Variants in ANGEL1 observed in about 807,000 individuals in gnomAD.
ANGEL1 encodes the protein RNA 2',3'-cyclic phosphatase ANGEL1.
ANGEL1 carries 62 observed loss-of-function variants against 76.4 expected under a neutral mutation model. The ratio of observed to expected loss-of-function variants is 0.81; its 90% CI spans 0.66 to 1.00. The LOEUF (loss-of-function observed/expected upper bound fraction) is 1.00, where lower values mean the gene tolerates loss of function less well. Among genes scored for constraint, ANGEL1 ranks in the 50% least tolerant of loss-of-function variants. The pLI, the probability that ANGEL1 is intolerant of heterozygous loss-of-function variation, is 0.00. For missense variants in ANGEL1, 737 were observed against 836.7 expected, an observed-to-expected ratio of 0.88 and a Z score of 1.47; for synonymous variants, 340 against 331.7, an observed-to-expected ratio of 1.03 and a Z score of -0.27.
rs752587890 is a variant in ANGEL1, at chr14:76,806,367, T to A, written c.1380+49A>T. Reference sequence around the variant, plus strand: ...AGAAGCACTGATGCTAACGCCTGAATCTCTCTTAGACCATGTTCCCACCCA... The same window carrying A: ...AGAAGCACTGATGCTAACGCCTGAAACTCTCTTAGACCATGTTCCCACCCA... On this transcript the variant is annotated intron_variant, in intron 5 of 9. Transcript: ENST00000251089. 1.9e-6 allele frequency: 3 copies of A among 1,554,712 alleles called. No homozygotes were observed. The Admixed American group carries it at 5.5e-5, about 28-fold the overall frequency.
intron 7 of ANGEL1, among the ~76,000 whole-genome samples, chr14:76,793,262 T>C (rs2140209849): frequency 6.7e-6 from 1 of 149,046 alleles, no homozygotes; most frequent in East Asian, 2.0e-4. Flanking sequence ...CATAAGACAA[T>C]ATTGTTAAAA....
At chr14:76,808,954 G>T in intron 2 of ANGEL1, 105 bp downstream of exon 2, 1 of 1,040,448 alleles carries the variant, frequency 9.6e-7, no homozygotes, top group Non-Finnish European at 1.4e-6. Context: ...AAAATAGAAT[G>T]CAGTGGCAGA....
chr14:76,788,956 T>G lies in ANGEL1; in HGVS notation c.*272A>C. The G allele has an allele frequency of 1.0e-5, 4 of 398,418 alleles. No individual in the cohort carries two copies. Among genetic ancestry groups the G allele is most frequent in the Admixed American group, 4.0e-5 (1 of 25,080 alleles). 24.7% of individuals were successfully genotyped at this position (398,418 alleles called of 1,614,324 possible). ...AAATCAAGGGGGAGCGCTGGATACA[T>G]GGAAGGAAGGGGGAGCCCCCCTTCT... On this transcript the variant is annotated 3_prime_UTR_variant, in exon 10 of 10. Coordinates refer to ENST00000251089, the MANE Select transcript of ANGEL1 (RefSeq NM_015305.4).
In ANGEL1 at chr14:76,791,335, A is replaced by G. The variant is rs747513089; in HGVS notation, c.1650T>C (p.Leu550=). 1.9e-6 allele frequency: 3 copies of G among 1,614,120 alleles called. No homozygotes were observed. In the South Asian group the frequency reaches 3.3e-5, roughly 18 times the overall value. The change falls in exon 8 of 10, where the codon CTT becomes CTC. Residue 550 remains leucine (L), a synonymous_variant. Coordinates refer to ENST00000251089, the MANE Select transcript of ANGEL1 (RefSeq NM_015305.4). ...GCTCAAGCTCCGATGCATCTTCCTC[A>G]AGGACAGACTCAGCCCAACCCGCAG... ...ERPAGWAESV[L]EEDASELEPA...
intron 9 of ANGEL1, among the ~76,000 whole-genome samples, chr14:76,790,082 T>G (rs1371256069): frequency 6.6e-6 from 1 of 152,138 alleles, no homozygotes; most frequent in African/African-American, 2.4e-5. Flanking sequence ...CAGGCTGGTC[T>G]CACTCCTAAC....
chr14:76,805,004 T>C (rs990043941), intron 5 of ANGEL1, among the ~76,000 whole-genome samples: 3 of 148,188 alleles, frequency 2.0e-5, no homozygotes, highest in Non-Finnish European at 3.0e-5. Context: ...AGCGAGACTC[T>C]GTCTCAAAAA....
intron 7 of ANGEL1, among the ~76,000 whole-genome samples, chr14:76,796,619 G>A (rs1894586539): frequency 6.6e-6 from 1 of 151,960 alleles, no homozygotes; most frequent in South Asian, 2.1e-4. Context: ...CAATTCCTAA[G>A]AATTTCCTAT....
chr14:76,811,825 A>G (rs897507766), intron 1 of ANGEL1, among the ~76,000 whole-genome samples: 1 of 152,240 alleles, frequency 6.6e-6, no homozygotes, highest in African/African-American at 2.4e-5. Context: ...TTTGCATTCT[A>G]ATGGCAGATA....
chr14:76,806,577 T>C lies in ANGEL1; in HGVS notation c.1219A>G (p.Met407Val), dbSNP rs1894923769. The C allele has an allele frequency of 2.5e-6, 4 of 1,614,188 alleles. No individual in the cohort carries two copies. The East Asian group carries it at 6.7e-5, about 27-fold the overall frequency. ...TCCACTTCCGCCAGGAGAATGGCCATCTGGGCCAGCTTGACATCGCCCCGG... is the reference window on the plus strand; with the variant it reads ...TCCACTTCCGCCAGGAGAATGGCCACCTGGGCCAGCTTGACATCGCCCCGG... The part of the protein sequence containing the change: ...PRRGDVKLAQ[M>V]AILLAEVDKV... The change falls in exon 5 of 10, where the codon ATG (methionine) becomes GTG (valine). Residue 407 changes from methionine to valine, a missense_variant. Around this residue, in one of 2 missense-constraint regions of ANGEL1, gnomAD observed 296 missense variants for 387.2 expected, o/e 0.76. Coordinates refer to ENST00000251089, the MANE Select transcript of ANGEL1 (RefSeq NM_015305.4).
intron 4 of ANGEL1, 74 bp downstream of exon 4, chr14:76,807,359 G>A (rs1894948379): frequency 3.5e-6 from 5 of 1,432,324 alleles, no homozygotes; most frequent in Middle Eastern, 1.7e-4. Context: ...AAAAGGAAAG[G>A]ATGGGGTCTT....
intron 4 of ANGEL1, 87 bp from the exon 5 acceptor site, chr14:76,806,936 C>A (rs569008189): frequency 9.4e-6 from 13 of 1,382,578 alleles, no homozygotes; most frequent in African/African-American, 2.9e-5. Flanking sequence ...CCAGTGTATG[C>A]CCCTGAGGCA....
At chr14:76,794,392 C>T (rs1258525970) in intron 7 of ANGEL1, among the ~76,000 whole-genome samples, 1 of 152,102 alleles carries the variant, frequency 6.6e-6, no homozygotes, top group East Asian at 1.9e-4. Context: ...CCCCTTTAGG[C>T]CAGGCGCAGT....
At chr14:76,803,710 C>T in intron 6 of ANGEL1, 76 bp downstream of exon 6, 1 of 1,530,548 alleles carries the variant, frequency 6.5e-7, no homozygotes, top group Admixed American at 2.1e-5. Context: ...TACACTTTTT[C>T]TTGTCGTTGA....
At chr14:76,805,003 C>CT (rs1228521908) in intron 5 of ANGEL1, among the ~76,000 whole-genome samples, 1 of 148,404 alleles carries the variant, frequency 6.7e-6, no homozygotes, top group Non-Finnish European at 1.5e-5. Context: ...GAGCGAGACT[C>CT]TGTCTCAAAA....
In ANGEL1 at chr14:76,809,112, G is replaced by A. The variant is rs143581712; in HGVS notation, c.596C>T (p.Pro199Leu). 12 of 1,614,010 alleles carry A rather than the reference G, an allele frequency of 7.4e-6. No homozygotes were observed. Among genetic ancestry groups the A allele is most frequent in the East Asian group, 6.7e-5 (3 of 44,898 alleles). ...PVPQEEASIW[P>L]FEGLGQLQPP... is the part of the protein sequence containing the mutation. ...CTGCAACTGCCCCAGGCCCTCAAAG[G>A]GCCAGATGGAAGCCTCTTCCTGGGG... The change falls in exon 2 of 10, where the codon CCC (proline) becomes CTC (leucine). Residue 199 changes from proline (P) to leucine (L), a missense_variant. Around this residue, in one of 2 missense-constraint regions of ANGEL1, gnomAD observed 441 missense variants for 449.5 expected, o/e 0.98. Coordinates refer to ENST00000251089, the MANE Select transcript of ANGEL1 (RefSeq NM_015305.4).
intron 3 of ANGEL1, 115 bp downstream of exon 3, chr14:76,807,807 T>C (rs1894964525): frequency 3.4e-6 from 4 of 1,187,282 alleles, no homozygotes; most frequent in Admixed American, 2.1e-5. Context: ...GCTCCAGCCC[T>C]AGATAGGACT....
intron 7 of ANGEL1, among the ~76,000 whole-genome samples, chr14:76,800,269 T>C (rs1286443987): frequency 6.6e-6 from 1 of 152,236 alleles, no homozygotes; most frequent in Non-Finnish European, 1.5e-5. Flanking sequence ...TAATCCTAAA[T>C]CACTGAGCTA....
chr14:76,809,294 C>T lies in ANGEL1; in HGVS notation c.414G>A (p.Glu138=), dbSNP rs1261348323. The change falls in exon 2 of 10, where the codon GAG becomes GAA. Residue 138 remains glutamate (E), a synonymous_variant. Transcript: ENST00000251089. ...PEMLGEEPLL[E]VEGVEGSMWA... ...ACATGGAGCCCTCCACCCCCTCCAC[C>T]TCCAGCAGTGGCTCCTCTCCTAGCA... 1 of 1,614,096 alleles carries T rather than the reference C, an allele frequency of 6.2e-7. No individual in the cohort carries two copies. Among genetic ancestry groups the T allele is most frequent in the Non-Finnish European group, 8.5e-7 (1 of 1,179,946 alleles).
At chr14:76,798,006 G>A (rs1189368027) in intron 7 of ANGEL1, among the ~76,000 whole-genome samples, 1 of 152,148 alleles carries the variant, frequency 6.6e-6, no homozygotes, top group Non-Finnish European at 1.5e-5. Flanking sequence ...CTCATGGATA[G>A]GATTAGTGCT....
Sources: gnomAD v4.1 joint callset for allele counts (sites outside exome capture counted in the v4.1 genomes callset) on GRCh38, gnomAD v4.1.1 for gene constraint, gnomAD v4.1.1 regional missense constraint, MANE v1.5 for transcripts, NCBI Gene and HGNC (gene_info 2026-07-23, HGNC 2026-07-21) for gene names.